Variants in TMEM132D observed in about 807,000 individuals in gnomAD.
TMEM132D encodes the protein mature OL transmembrane protein.
In TMEM132D, 21 loss-of-function variants were observed where a neutral mutation model predicts 62.3. That is an observed-to-expected ratio of 0.34 (90% CI 0.24 to 0.49). The LOEUF (loss-of-function observed/expected upper bound fraction) is 0.49, where lower values mean the gene tolerates loss of function less well. TMEM132D is among the 20% of genes least tolerant of loss of function. The probability of loss-of-function intolerance (pLI) is 0.99; values close to 1 mark genes in which losing one functional copy is unlikely to be tolerated. For synonymous variants in TMEM132D, 621 were observed against 575.6 expected, an observed-to-expected ratio of 1.08 and a Z score of -1.13; for missense variants, 1,346 against 1,402.8, an observed-to-expected ratio of 0.96 and a Z score of 0.65.
intron 1 of TMEM132D, among the ~76,000 whole-genome samples, chr12:129,793,823 T>A (rs1252722231): frequency 1.3e-5 from 2 of 152,236 alleles, no homozygotes; most frequent in Non-Finnish European, 2.9e-5. Context: ...GGCACCTAGT[T>A]GGCCCACATT....
At position 129,825,126 on chromosome 12, in the gene TMEM132D, G is replaced by A. The variant is rs76425428; in HGVS notation, c.79+78135C>T. 5.1e-4 allele frequency among the ~76,000 whole-genome samples: 77 copies of A among 150,146 alleles called. 2 individuals are homozygous for A. The East Asian group carries it at 9.3e-3, about 18-fold the overall frequency. ...CCTCCCCGGTTCAAGCTATTCTCCC[G>A]TCTCGGCCTCCCAAGTAGCTGGGAT... On this transcript the variant is annotated intron_variant, in intron 1 of 8. Coordinates refer to ENST00000422113, the MANE Select transcript of TMEM132D (RefSeq NM_133448.3).
intron 4 of TMEM132D, among the ~76,000 whole-genome samples, chr12:129,217,115 C>T (rs59647378): frequency 0.31 from 46,525 of 151,844 alleles, 7,673 homozygotes; most frequent in Middle Eastern, 0.42. Flanking sequence ...TAGATGAGTA[C>T]GGTTAGAAGA....
chr12:129,429,032 A>C (rs1485573562), intron 3 of TMEM132D, among the ~76,000 whole-genome samples: 3 of 152,170 alleles, frequency 2.0e-5, no homozygotes, highest in Non-Finnish European at 4.4e-5. Context: ...CAAGTTACTC[A>C]CTGTAGTCCA....
chr12:129,336,923 G>A (rs930909519), intron 4 of TMEM132D, among the ~76,000 whole-genome samples: 1 of 152,170 alleles, frequency 6.6e-6, no homozygotes, highest in African/African-American at 2.4e-5. Flanking sequence ...CATTCCCAGT[G>A]ACAGAACCAC....
intron 2 of TMEM132D, among the ~76,000 whole-genome samples, chr12:129,624,599 A>G (rs557801130): frequency 1.6e-4 from 25 of 152,388 alleles, no homozygotes; most frequent in Middle Eastern, 3.4e-3. Context: ...GCCCACGCCA[A>G]TGAGGAAGGA....
chr12:129,866,620 A>G (rs575505624), intron 1 of TMEM132D, among the ~76,000 whole-genome samples: 2 of 152,034 alleles, frequency 1.3e-5, no homozygotes, highest in South Asian at 4.1e-4. Context: ...AAAAAGAAAA[A>G]TGAGTGTTGG....
rs1593286572 is a variant in TMEM132D at position 129,177,684 on chromosome 12, G to C, written c.1443+31836C>G. ...GAGGCGGGAGGATTGCTTGCACCCA[G>C]GAGTTGGAGACTGCAGTGAGCTATG... On this transcript the variant is annotated intron_variant, in intron 5 of 8. Transcript: ENST00000422113. Among the ~76,000 whole-genome samples the C allele has an allele frequency of 2.0e-5, 3 of 152,204 alleles. No individual in the cohort carries two copies. The East Asian group carries it at 5.8e-4, about 29-fold the overall frequency.
At chr12:129,776,152 T>C (rs1870914334) in intron 1 of TMEM132D, among the ~76,000 whole-genome samples, 1 of 152,092 alleles carries the variant, frequency 6.6e-6, no homozygotes, top group Non-Finnish European at 1.5e-5. Context: ...AGCAAAATCA[T>C]GAGAAAGAAG....
At chr12:129,552,795 C>T (rs936809883) in intron 2 of TMEM132D, among the ~76,000 whole-genome samples, 1 of 152,260 alleles carries the variant, frequency 6.6e-6, no homozygotes, top group Non-Finnish European at 1.5e-5. Flanking sequence ...CTACCTATTA[C>T]GTATCTATCT....
At chr12:129,107,574 T>C (rs1875542074) in intron 5 of TMEM132D, among the ~76,000 whole-genome samples, 1 of 152,222 alleles carries the variant, frequency 6.6e-6, no homozygotes, top group Non-Finnish European at 1.5e-5. Context: ...AAATATTCCC[T>C]GATTAACCCT....
chr12:129,727,289 ATCTCTG>A (rs1329288090), intron 1 of TMEM132D, among the ~76,000 whole-genome samples: 1 of 152,222 alleles, frequency 6.6e-6, no homozygotes, highest in Non-Finnish European at 1.5e-5. Flanking sequence ...TCCTGCCAGG[ATCTCTG>A]TGCTGTGTCA....
At chr12:129,841,111 A>T (rs1450870535) in intron 1 of TMEM132D, among the ~76,000 whole-genome samples, 1 of 152,208 alleles carries the variant, frequency 6.6e-6, no homozygotes, top group Non-Finnish European at 1.5e-5. Context: ...GAGTTAACAC[A>T]TTACATATTA....
Position 129,149,143 on chromosome 12 carries a change from C to T in TMEM132D, c.1443+60377G>A, listed in dbSNP as rs569232954. On this transcript the variant is annotated intron_variant, in intron 5 of 8. Coordinates refer to ENST00000422113, the MANE Select transcript of TMEM132D (RefSeq NM_133448.3). The stretch of plus-strand genomic sequence containing the variant: ...AATACAGGAATAGAAAACCAAACAC[C>T]GCACGTTCTCACTCACAAGTGGGAG... 7.9e-5 allele frequency among the ~76,000 whole-genome samples: 12 copies of T among 151,664 alleles called. No homozygotes were observed. The South Asian group carries it at 1.0e-3, about 13-fold the overall frequency.
chr12:129,209,727 T>G, intron 4 of TMEM132D, 64 bp from the exon 5 acceptor site: 21 of 1,590,562 alleles, frequency 1.3e-5, no homozygotes, highest in Non-Finnish European at 1.7e-5. Context: ...CCTGGGAGTA[T>G]GCCGCCTGCC....
At chr12:129,853,021 T>C (rs67507047) in intron 1 of TMEM132D, 79 of 152,236 alleles carry the variant, frequency 5.2e-4, no homozygotes, top group African/African-American at 1.9e-3. Flanking sequence ...CAGTGTAACA[T>C]GACGGAAGAC....
chr12:129,277,020 A>C lies in TMEM132D; in HGVS notation c.1299+60614T>G, dbSNP rs1881023670. On this transcript the variant is annotated intron_variant, in intron 4 of 8. Transcript: ENST00000422113. The surrounding 1 kb of genome is among the most constrained non-coding windows in gnomAD (Gnocchi z 4.2). The stretch of plus-strand genomic sequence containing the variant: ...AAACTTCAAAGTAAGAAAGTAACCC[A>C]AGTCTTGGAGGAGATTCTAAGTCTG... 6.6e-6 allele frequency among the ~76,000 whole-genome samples: 1 copy of C among 152,306 alleles called. No individual in the cohort carries two copies. Among genetic ancestry groups the C allele is most frequent in the African/African-American group, 2.4e-5 (1 of 41,572 alleles).
At chr12:129,803,184 C>T (rs1213279850) in intron 1 of TMEM132D, among the ~76,000 whole-genome samples, 4 of 151,526 alleles carry the variant, frequency 2.6e-5, no homozygotes, top group South Asian at 2.1e-4. Context: ...CTGCACCAAG[C>T]GGGCCTAATA....
chr12:129,207,244 A>AAGAT (rs1555237195), intron 5 of TMEM132D, among the ~76,000 whole-genome samples: 10 of 151,546 alleles, frequency 6.6e-5, no homozygotes, highest in African/African-American at 2.4e-4. Flanking sequence ...GGACAGTCAG[A>AAGAT]AGATGAATAC....
chr12:129,075,110 G>T, intron 8 of TMEM132D, 51 bp from the exon 9 acceptor site: 2 of 1,496,850 alleles, frequency 1.3e-6, no homozygotes, highest in Non-Finnish European at 1.8e-6. Context: ...AGCTCATTGA[G>T]CCCCAAGTCT....
Sources: gnomAD v4.1 joint callset for allele counts (sites outside exome capture counted in the v4.1 genomes callset) on GRCh38, gnomAD v4.1.1 for gene constraint, Gnocchi (gnomAD v3.1) non-coding constraint, MANE v1.5 for transcripts, NCBI Gene and HGNC (gene_info 2026-07-23, HGNC 2026-07-21) for gene names.